The following LRP12 variants were observed in gnomAD, a reference collection of about 807,000 sequenced individuals.
LRP12 encodes the protein low-density lipoprotein receptor-related protein 12.
In LRP12, 14 loss-of-function variants were observed where a neutral mutation model predicts 66.0. The observed-to-expected ratio is 0.21, with a 90% CI of 0.14 to 0.33. The LOEUF is 0.33. LRP12 is among the 10% of genes least tolerant of loss of function. The probability of loss-of-function intolerance (pLI) is 1.00; values close to 1 mark genes in which losing one functional copy is unlikely to be tolerated. For missense variants in LRP12, 889 were observed against 1,053.4 expected, an observed-to-expected ratio of 0.84 and a Z score of 2.16; for synonymous variants, 357 against 359.1, an observed-to-expected ratio of 0.99 and a Z score of 0.07.
intron 2 of LRP12, among the ~76,000 whole-genome samples, chr8:104,526,500 C>A (rs1277566207): frequency 6.7e-6 from 1 of 150,326 alleles, no homozygotes; most frequent in African/African-American, 2.5e-5. Flanking sequence ...ATCAATGGAA[C>A]AGAACAGAGC....
chr8:104,586,577 G>A (rs535742174), intron 1 of LRP12, among the ~76,000 whole-genome samples: 1 of 152,326 alleles, frequency 6.6e-6, no homozygotes, highest in South Asian at 2.1e-4. Flanking sequence ...CAAGGCGACA[G>A]CTATTTCTCA....
At chr8:104,548,374 T>A (rs1370073478) in intron 1 of LRP12, among the ~76,000 whole-genome samples, 3 of 93,700 alleles carry the variant, frequency 3.2e-5, no homozygotes, top group Non-Finnish European at 5.4e-5. Flanking sequence ...TATAAATATA[T>A]TATATAAATA....
chr8:104,494,454 C>T (rs913224946), intron 6 of LRP12, among the ~76,000 whole-genome samples: 1 of 152,094 alleles, frequency 6.6e-6, no homozygotes, highest in Non-Finnish European at 1.5e-5. Flanking sequence ...ATACTGGAAA[C>T]AACAGTTTTT....
chr8:104,510,509 T>C (rs1488793064), intron 2 of LRP12, among the ~76,000 whole-genome samples: 1 of 152,204 alleles, frequency 6.6e-6, no homozygotes, highest in African/African-American at 2.4e-5. Flanking sequence ...CGTTGCAATA[T>C]AGTTAACATT....
intron 3 of LRP12, among the ~76,000 whole-genome samples, chr8:104,499,848 A>C (rs77997405): frequency 0.011 from 1,710 of 152,230 alleles, 17 homozygotes; most frequent in Middle Eastern, 0.092. Context: ...AGAACATCCT[A>C]AACTGTTCTG....
chr8:104,568,879 G>A (rs766178129), intron 1 of LRP12, among the ~76,000 whole-genome samples: 2 of 152,204 alleles, frequency 1.3e-5, no homozygotes, highest in Non-Finnish European at 2.9e-5. Flanking sequence ...TCCTCAAAAA[G>A]GTAAACACAG....
chr8:104,494,592 A>G lies in LRP12; in HGVS notation c.1713+485T>C, dbSNP rs78377877. ...GCTAAGAAATTGAAAGAATTCAGAA[A>G]CATATAATGAATTACTATATAAACA... is the stretch of plus-strand genomic sequence containing the variant. On this transcript the variant is annotated intron_variant, in intron 6 of 6. Transcript: ENST00000276654. 6.4e-4 allele frequency among the ~76,000 whole-genome samples: 97 copies of G among 152,342 alleles called. No individual in the cohort carries two copies. The East Asian group carries it at 0.017, about 27-fold the overall frequency.
At chr8:104,493,524 C>T (rs570871687) in intron 6 of LRP12, among the ~76,000 whole-genome samples, 23 of 152,342 alleles carry the variant, frequency 1.5e-4, no homozygotes, top group Admixed American at 1.2e-3. Context: ...CCAAGCCCTT[C>T]CACTGTCATG....
Position 104,495,111 on chromosome 8 carries a change from G to C in LRP12, c.1679C>G (p.Pro560Arg), listed in dbSNP as rs149216447. 1 of 1,613,486 alleles carries C rather than the reference G, an allele frequency of 6.2e-7. No individual in the cohort carries two copies. The highest frequency in any genetic ancestry group is 1.3e-5 in the African/African-American group (1 of 74,890). The part of the protein sequence containing the change: ...GQLIAQGLIP[P>R]VEDFPVCSPN... ...TGAACAAACAGGAAAATCTTCAACT[G>C]GTGGAATTAAACCCTGAGCAATCAA... The change falls in exon 6 of 7, where the codon CCA becomes CGA. Residue 560 changes from proline (P) to arginine (R), a missense_variant. Transcript: ENST00000276654.
intron 1 of LRP12, among the ~76,000 whole-genome samples, chr8:104,578,570 T>C (rs900432148): frequency 1.3e-5 from 2 of 151,938 alleles, no homozygotes; most frequent in Admixed American, 6.6e-5. Context: ...CAAAACCTGA[T>C]GGCGGTTTTG....
At chr8:104,545,151 C>T (rs1246836919) in intron 1 of LRP12, among the ~76,000 whole-genome samples, 1 of 152,104 alleles carries the variant, frequency 6.6e-6, no homozygotes, top group African/African-American at 2.4e-5. Flanking sequence ...TGGTGGAAAT[C>T]GCAACAGAAC....
Position 104,497,940 on chromosome 8 carries a change from TGCTTCTTTG to T in LRP12, c.603_611del (p.Lys202_Ala204del), listed in dbSNP as rs780422070. The T allele has an allele frequency of 6.2e-7, 1 of 1,614,148 alleles. No homozygotes were observed. Among genetic ancestry groups the T allele is most frequent in the East Asian group, 2.2e-5 (1 of 44,872 alleles). On this transcript the variant is annotated inframe_deletion, in exon 5 of 7. Transcript: ENST00000276654. The surrounding 1 kb of genome is among the most constrained non-coding windows in gnomAD (Gnocchi z 4.3). Reference sequence around the variant, plus strand: ...GAAAAGCAGCAGCAGTTGGAGGATTTGCTTCTTTGGCACAGATCTCTTCATCGGAACTAT... The same window carrying T: ...GAAAAGCAGCAGCAGTTGGAGGATTTGCACAGATCTCTTCATCGGAACTAT...
chr8:104,505,473 T>C (rs1387218834), intron 3 of LRP12: 3 of 149,688 alleles, frequency 2.0e-5, no homozygotes, highest in African/African-American at 7.4e-5. Context: ...GGCATGATCT[T>C]GGCTCTGTAA....
chr8:104,490,971 T>A lies in LRP12; in HGVS notation c.2282A>T (p.Asp761Val), dbSNP rs1810613716. 1.9e-6 allele frequency: 3 copies of A among 1,614,000 alleles called. No homozygotes were observed. The East Asian group carries it at 6.7e-5, about 36-fold the overall frequency. Residue 761 changes from aspartate to valine, a missense_variant, in exon 7 of 7, where the codon GAT becomes GTT. By Grantham distance (152) the Asp-to-Val change is radical (BLOSUM62 -3). Transcript: ENST00000276654. ...SQNQSPLRQL[D>V]NGVSGREDDD... ...ATCTTCTCTTCCACTTACCCCATTA[T>A]CAAGTTGTCTCAAAGGACTCTGGTT... is the stretch of plus-strand genomic sequence containing the variant.
chr8:104,586,835 C>CA (rs527288935), intron 1 of LRP12, among the ~76,000 whole-genome samples: 1 of 146,862 alleles, frequency 6.8e-6, no homozygotes, highest in East Asian at 2.0e-4. Context: ...TCACTACCTC[C>CA]TTTTTTTTTT....
intron 1 of LRP12, among the ~76,000 whole-genome samples, chr8:104,549,815 T>C (rs769371657): frequency 1.8e-4 from 27 of 152,302 alleles, no homozygotes; most frequent in Admixed American, 4.6e-4. Context: ...CTTTAAATAA[T>C]TGACTCAGCT....
At chr8:104,549,454 G>A (rs968872447) in intron 1 of LRP12, among the ~76,000 whole-genome samples, 2 of 145,112 alleles carry the variant, frequency 1.4e-5, no homozygotes, top group African/African-American at 5.2e-5. Context: ...CCAGGCTGGA[G>A]TGTAGTGGTA....
intron 1 of LRP12, among the ~76,000 whole-genome samples, chr8:104,537,225 T>C (rs567572623): frequency 6.6e-6 from 1 of 152,060 alleles, no homozygotes; most frequent in African/African-American, 2.4e-5. Flanking sequence ...AGCAGGGAGA[T>C]CTTGCTAAGC....
At chr8:104,512,781 C>T (rs1437224813) in intron 2 of LRP12, among the ~76,000 whole-genome samples, 11 of 152,220 alleles carry the variant, frequency 7.2e-5, no homozygotes, top group Non-Finnish European at 2.9e-5. Flanking sequence ...CTCAAAAATA[C>T]ATTTTGTGAA....
Sources: allele counts gnomAD v4.1 joint callset (sites outside exome capture counted in the v4.1 genomes callset), GRCh38; gene constraint gnomAD v4.1.1; non-coding constraint Gnocchi (gnomAD v3.1); transcripts MANE v1.5; gene names NCBI Gene and HGNC (gene_info 2026-07-23, HGNC 2026-07-21).